The following CYSLTR1 variants were observed in gnomAD, a reference collection of about 807,000 sequenced individuals.
CYSLTR1 encodes G-protein coupled receptor HG55.
A neutral mutation model predicts 2.1 loss-of-function variants in CYSLTR1; 1 was observed. That is an observed-to-expected ratio of 0.48 (90% confidence interval 0.17 to 2.28). The LOEUF is 2.28. CYSLTR1 is among the 30% of genes most tolerant of loss of function. The pLI is 0.26. For synonymous variants in CYSLTR1, 110 were observed against 89.6 expected, an observed-to-expected ratio of 1.23 and a Z score of -1.28; for missense variants, 299 against 250.1, an observed-to-expected ratio of 1.20 and a Z score of -1.32.
chrX:78,283,006 G>A (rs1921901817), intron 2 of CYSLTR1, among the ~76,000 whole-genome samples: 1 of 112,336 alleles, frequency 8.9e-6, no homozygotes. Context: ...GCCATAAAAA[G>A]AAGATTGTAA....
intron 1 of CYSLTR1, among the ~76,000 whole-genome samples, chrX:78,300,587 CCAGA>C (rs1348849373): frequency 8.9e-6 from 1 of 112,426 alleles, no homozygotes; most frequent in East Asian, 2.8e-4. Flanking sequence ...CTCTAGATTA[CCAGA>C]CAGAGACTTG....
intron 1 of CYSLTR1, among the ~76,000 whole-genome samples, chrX:78,310,244 T>G (rs1329406939): frequency 2.7e-5 from 3 of 111,803 alleles, no homozygotes; most frequent in African/African-American, 9.7e-5. Flanking sequence ...TCCTGTTGTT[T>G]ACCATATGTG....
At chrX:78,321,731 A>C (rs1199481980) in intron 1 of CYSLTR1, 1 of 106,711 alleles carries the variant, frequency 9.4e-6, no homozygotes, top group Non-Finnish European at 1.9e-5. Context: ...GTGGGGCTGG[A>C]GGAGAGTTCA....
At chrX:78,280,484 A>G (rs1921790014) in intron 2 of CYSLTR1, among the ~76,000 whole-genome samples, 1 of 102,760 alleles carries the variant, frequency 9.7e-6, no homozygotes, top group African/African-American at 3.5e-5. Context: ...AAGTTAATCA[A>G]CACATCCATT....
chrX:78,304,993 G>C (rs1438663763), intron 1 of CYSLTR1, among the ~76,000 whole-genome samples: 1 of 111,356 alleles, frequency 9.0e-6, no homozygotes, highest in African/African-American at 3.3e-5. Context: ...CTTGTTATTG[G>C]GCCAGGAGAA....
intron 1 of CYSLTR1, among the ~76,000 whole-genome samples, chrX:78,311,548 T>G (rs1428482061): frequency 1.8e-5 from 2 of 111,671 alleles, no homozygotes; most frequent in African/African-American, 6.5e-5. Flanking sequence ...GAAGTCAAAC[T>G]ATCTCTCTGC....
At position 78,297,498 on chromosome X, in the gene CYSLTR1, T is replaced by G. The variant is rs887534376; in HGVS notation, c.-114-13958A>C. 2.7e-5 allele frequency among the ~76,000 whole-genome samples: 3 copies of G among 111,637 alleles called. No individual in the cohort carries two copies. The South Asian group carries it at 1.1e-3, about 42-fold the overall frequency. On this transcript the variant is annotated intron_variant, in intron 1 of 2. Transcript: ENST00000373304. ...AATGTTTGGTAGAATTCATCAGTAA[T>G]GCCATCAGGTCTCAGGCTTTTCTTT...
chrX:78,298,211 G>T (rs972932531), intron 1 of CYSLTR1, among the ~76,000 whole-genome samples: 5 of 111,500 alleles, frequency 4.5e-5, no homozygotes, highest in African/African-American at 1.6e-4. Context: ...TTAATGTCCA[G>T]TTTTATTCCA....
intron 2 of CYSLTR1, 98 bp from the exon 3 acceptor site, chrX:78,273,871 C>T (rs1358799524): frequency 1.1e-5 from 8 of 738,619 alleles, no homozygotes; most frequent in African/African-American, 4.3e-5. Flanking sequence ...TACTTTTTGA[C>T]CACAGCAGCA....
intron 1 of CYSLTR1, among the ~76,000 whole-genome samples, chrX:78,316,846 C>A (rs1045397165): frequency 8.9e-6 from 1 of 111,772 alleles, no homozygotes; most frequent in Non-Finnish European, 1.9e-5. Context: ...CAAGATGTAT[C>A]AAATACTTAA....
At chrX:78,315,492 T>G (rs886220310) in intron 1 of CYSLTR1, among the ~76,000 whole-genome samples, 5 of 111,022 alleles carry the variant, frequency 4.5e-5, no homozygotes, top group African/African-American at 1.3e-4. Flanking sequence ...TCATATGGCA[T>G]TTCTGTATGT....
intron 1 of CYSLTR1, chrX:78,320,542 C>T (rs1007081409): frequency 2.7e-5 from 3 of 111,719 alleles, no homozygotes; most frequent in African/African-American, 6.5e-5. Context: ...AGTTGGGTAG[C>T]GTGATGCCTC....
At chrX:78,274,624 C>T (rs754133060) in intron 2 of CYSLTR1, among the ~76,000 whole-genome samples, 145 of 110,932 alleles carry the variant, frequency 1.3e-3, no homozygotes, top group African/African-American at 3.2e-3. Flanking sequence ...ACCATAAAAA[C>T]CCTAGAAGAA....
intron 1 of CYSLTR1, among the ~76,000 whole-genome samples, chrX:78,314,073 G>A (rs944274292): frequency 1.8e-5 from 2 of 111,480 alleles, no homozygotes; most frequent in Admixed American, 1.9e-4. Context: ...GTTAGCTTAA[G>A]GCAAGGACAC....
intron 1 of CYSLTR1, among the ~76,000 whole-genome samples, chrX:78,314,218 T>C (rs1383576706): frequency 2.7e-5 from 3 of 112,017 alleles, no homozygotes; most frequent in Non-Finnish European, 5.6e-5. Context: ...AAGTACAGTG[T>C]ATTCTCAGGA....
intron 1 of CYSLTR1, chrX:78,319,165 C>A (rs374168715): frequency 1.9e-4 from 21 of 109,023 alleles, no homozygotes; most frequent in African/African-American, 5.7e-4. Flanking sequence ...ACACAACGTG[C>A]AGGTTTGTTA....
rs1344246334 is a variant in CYSLTR1 at position 78,320,298 on chromosome X, G to A, written c.-115+7007C>T. The stretch of plus-strand genomic sequence containing the variant: ...AATTAATTTTTGTATAAGGTGTAAG[G>A]AAGGGATCCAGTTTCAGCTTTCTGC... On this transcript the variant is annotated intron_variant, in intron 1 of 2. Coordinates refer to ENST00000373304, the MANE Select transcript of CYSLTR1 (RefSeq NM_006639.4). The A allele has an allele frequency of 5.4e-5, 6 of 111,897 alleles. No individual in the cohort carries two copies. The East Asian group carries it at 1.1e-3, about 21-fold the overall frequency. The allele number at this position is 111,897 out of a possible 1,213,427, so 9.2% of individuals were successfully genotyped here.
At chrX:78,293,410 A>G (rs955177562) in intron 1 of CYSLTR1, among the ~76,000 whole-genome samples, 1 of 110,736 alleles carries the variant, frequency 9.0e-6, no homozygotes. Context: ...TGCCCTTTAC[A>G]TTTTTTCCTT....
chrX:78,280,042 C>T (rs1393066086), intron 2 of CYSLTR1, among the ~76,000 whole-genome samples: 2 of 110,618 alleles, frequency 1.8e-5, no homozygotes, highest in Non-Finnish European at 3.8e-5. Context: ...GTACCCTAAT[C>T]CTCAGCATCA....
Sources: allele counts gnomAD v4.1 joint callset (sites outside exome capture counted in the v4.1 genomes callset), GRCh38; gene constraint gnomAD v4.1.1; transcripts MANE v1.5; gene names NCBI Gene and HGNC (gene_info 2026-07-23, HGNC 2026-07-21).